DCAF6: variants seen among roughly 807,000 people sequenced by gnomAD.
The protein encoded by DCAF6 is DDB1- and CUL4-associated factor 6.
A neutral mutation model predicts 125.1 loss-of-function variants in DCAF6; 54 were observed. The ratio of observed to expected loss-of-function variants is 0.43; its 90% CI spans 0.35 to 0.54. The LOEUF is 0.54. Among genes scored for constraint, DCAF6 ranks in the 20% least tolerant of loss-of-function variants. The pLI, the probability that DCAF6 is intolerant of heterozygous loss-of-function variation, is 0.01. For synonymous variants in DCAF6, 371 were observed against 390.4 expected, an observed-to-expected ratio of 0.95 and a Z score of 0.58; for missense variants, 934 against 1,161.7, an observed-to-expected ratio of 0.80 and a Z score of 2.85.
chr1:168,047,376 C>T (rs751083301), intron 16 of DCAF6, among the ~76,000 whole-genome samples: 2 of 152,126 alleles, frequency 1.3e-5, no homozygotes, highest in African/African-American at 2.4e-5. Flanking sequence ...ACTGATCCCA[C>T]TTCATGCATA....
chr1:168,025,107 A>T (rs1261135602), intron 12 of DCAF6, among the ~76,000 whole-genome samples: 2 of 152,174 alleles, frequency 1.3e-5, no homozygotes, highest in Admixed American at 6.5e-5. Context: ...TTTTCTAAGG[A>T]TATATGGATT....
chr1:167,913,388 A>T, the DCAF6 span, among the ~76,000 whole-genome samples: 1 of 152,236 alleles, frequency 6.6e-6, no homozygotes, highest in African/African-American at 2.4e-5. Flanking sequence ...ATGTAAAGTC[A>T]GGTTTCACGA....
At chr1:167,975,056 G>A in intron 4 of DCAF6, 41 bp downstream of exon 4, 2 of 1,337,564 alleles carry the variant, frequency 1.5e-6, no homozygotes, top group Non-Finnish European at 2.0e-6. Context: ...ATGTAAGTAT[G>A]TATATTTTTG....
At chr1:168,035,741 T>A (rs750389346) in intron 12 of DCAF6, among the ~76,000 whole-genome samples, 2 of 152,162 alleles carry the variant, frequency 1.3e-5, no homozygotes, top group Non-Finnish European at 2.9e-5. Flanking sequence ...TTTTGTAATA[T>A]GTAGATTATA....
chr1:167,940,506 A>ATTT (rs5778563), intron 1 of DCAF6, among the ~76,000 whole-genome samples: 277 of 146,222 alleles, frequency 1.9e-3, no homozygotes, highest in African/African-American at 6.3e-3. Context: ...GCCTCCTGGA[A>ATTT]TTTTTTTTTT....
chr1:168,022,747 G>A (rs920814546), intron 11 of DCAF6, among the ~76,000 whole-genome samples: 1 of 152,188 alleles, frequency 6.6e-6, no homozygotes, highest in African/African-American at 2.4e-5. Flanking sequence ...TTGATAAAAG[G>A]TGTATGCATG....
In DCAF6 at chr1:168,023,406, A is replaced by G. The variant is rs1685917526; in HGVS notation, c.1609+359A>G. On this transcript the variant is annotated intron_variant, in intron 12 of 21. Coordinates refer to ENST00000367840, the MANE Select transcript of DCAF6 (RefSeq NM_001198956.2). ...AATACTACCTCGTTGCTTATGTAGG[A>G]TAAGTTATTTAAACACAGTGATATT... is the stretch of plus-strand genomic sequence containing the variant. 4 of 274,912 alleles carry G rather than the reference A, an allele frequency of 1.5e-5. No homozygotes were observed. The South Asian group carries it at 3.1e-4, about 21-fold the overall frequency. 17.0% of individuals were successfully genotyped at this position (274,912 alleles called of 1,614,324 possible). A position where few individuals can be genotyped will look rare whatever the true frequency, so the allele number is the denominator to read the frequency against.
intron 2 of DCAF6, among the ~76,000 whole-genome samples, chr1:167,954,087 A>G (rs1296726324): frequency 1.3e-5 from 2 of 151,320 alleles, no homozygotes; most frequent in Non-Finnish European, 2.9e-5. Flanking sequence ...GCTCACTGCA[A>G]CCTCCACCTC....
At chr1:168,023,328 T>C (rs1002900769) in intron 12 of DCAF6, 1 of 493,148 alleles carries the variant, frequency 2.0e-6, no homozygotes, top group Non-Finnish European at 3.6e-6. Context: ...ATATCCATTT[T>C]TTAAATTCTA....
Position 168,063,750 on chromosome 1 carries a change from C to T in DCAF6, c.2430C>T (p.Ser810=), listed in dbSNP as rs1223386965. ...TGGTTTATAAAGGCCATCGCAACTC[C>T]AGGACAATGGTACCAAATGTTCATG... ...VKMVYKGHRN[S]RTMIKEANFW... The change falls in exon 18 of 22, where the codon TCC becomes TCT. Residue 810 remains serine (S), a synonymous_variant. Transcript: ENST00000367840. 6.2e-7 allele frequency: 1 copy of T among 1,604,948 alleles called. No individual in the cohort carries two copies. Among genetic ancestry groups the T allele is most frequent in the Non-Finnish European group, 8.5e-7 (1 of 1,176,902 alleles).
At chr1:167,919,975 T>C in the DCAF6 span, 1 of 1,604,640 alleles carries the variant, frequency 6.2e-7, no homozygotes, top group Non-Finnish European at 8.5e-7. Flanking sequence ...TCTGGTAGGC[T>C]TACCTCCAAA....
chr1:167,987,441 A>G (rs1571818326), intron 4 of DCAF6, 54 bp from the exon 5 acceptor site: 9 of 858,906 alleles, frequency 1.0e-5, no homozygotes, highest in East Asian at 9.8e-5. Flanking sequence ...TGTTTTTCAG[A>G]GCCGTCTGTT....
chr1:168,043,120 C>G lies in DCAF6; in HGVS notation c.1823C>G (p.Pro608Arg). The G allele has an allele frequency of 6.2e-7, 1 of 1,612,372 alleles. No homozygotes were observed. The highest frequency in any genetic ancestry group is 8.5e-7 in the Non-Finnish European group (1 of 1,179,012). The change falls in exon 14 of 22, where the codon CCA becomes CGA. Residue 608 changes from proline (P) to arginine (R), a missense_variant. Around this residue, in one of 5 missense-constraint regions of DCAF6, gnomAD observed 559 missense variants for 635.5 expected, o/e 0.88. Transcript: ENST00000367840. Reference sequence around the variant, plus strand: ...GTCCCACAGAGCTCAGTGCAACCACCAGAAGGAGACAGTGAAACAAGTAAG... The same window carrying G: ...GTCCCACAGAGCTCAGTGCAACCACGAGAAGGAGACAGTGAAACAAGTAAG... ...SFVPQSSVQP[P>R]EGDSETKAPE...
chr1:167,979,436 A>G (rs1430781598), intron 4 of DCAF6, among the ~76,000 whole-genome samples: 1 of 152,050 alleles, frequency 6.6e-6, no homozygotes, highest in East Asian at 1.9e-4. Context: ...GAATTTGACT[A>G]TTTTAGATAC....
intron 7 of DCAF6, among the ~76,000 whole-genome samples, chr1:167,996,491 T>C (rs935610674): frequency 3.3e-5 from 5 of 152,198 alleles, no homozygotes; most frequent in African/African-American, 1.2e-4. Flanking sequence ...CCCTTTGTAG[T>C]TGATTTTGCT....
At chr1:167,893,483 C>T in the DCAF6 span, among the ~76,000 whole-genome samples, 2 of 151,890 alleles carry the variant, frequency 1.3e-5, no homozygotes, top group African/African-American at 4.8e-5. Flanking sequence ...GAGGGTGAGG[C>T]GGGCAGATTT....
At chr1:168,002,774 AGTT>A (rs901133337) in intron 8 of DCAF6, among the ~76,000 whole-genome samples, 199 bp downstream of exon 8, 6 of 152,126 alleles carry the variant, frequency 3.9e-5, no homozygotes, top group Non-Finnish European at 2.9e-5. Context: ...TAATTTTGGT[AGTT>A]GTTATCAGAT....
At chr1:167,868,119 A>G in the DCAF6 span, among the ~76,000 whole-genome samples, 4 of 152,222 alleles carry the variant, frequency 2.6e-5, no homozygotes, top group Non-Finnish European at 5.9e-5. Context: ...CAGACTTTCT[A>G]TGATTAACTA....
At chr1:167,871,596 T>C in the DCAF6 span, among the ~76,000 whole-genome samples, 1 of 152,250 alleles carries the variant, frequency 6.6e-6, no homozygotes, top group African/African-American at 2.4e-5. Flanking sequence ...CATTGAGAGC[T>C]AACTATTCCT....
Sources: gnomAD v4.1 joint callset for allele counts (sites outside exome capture counted in the v4.1 genomes callset) on GRCh38, gnomAD v4.1.1 for gene constraint, gnomAD v4.1.1 regional missense constraint, MANE v1.5 for transcripts, NCBI Gene and HGNC (gene_info 2026-07-23, HGNC 2026-07-21) for gene names.